Variants in SLC12A6 observed in about 807,000 individuals in gnomAD.
SLC12A6 encodes solute carrier family 12 member 6.
In SLC12A6, 66 loss-of-function variants were observed where a neutral mutation model predicts 135.3. The observed-to-expected ratio is 0.49, with a 90% CI of 0.40 to 0.60. The LOEUF is 0.60. Among genes scored for constraint, SLC12A6 ranks in the 20% least tolerant of loss-of-function variants. The pLI is 0.00. For synonymous variants in SLC12A6, 513 were observed against 508.8 expected, an observed-to-expected ratio of 1.01 and a Z score of -0.11; for missense variants, 1,058 against 1,452.3, an observed-to-expected ratio of 0.73 and a Z score of 4.41.
chr15:34,264,220 A>T (rs7181260), intron 3 of SLC12A6, among the ~76,000 whole-genome samples: 20,691 of 152,246 alleles, frequency 0.14, 1,535 homozygotes, highest in East Asian at 0.32. Context: ...AGGCTGAGGC[A>T]AAACTTTACA....
At position 34,238,933 on chromosome 15, in the gene SLC12A6, G is replaced by A. The variant is rs748983001; in HGVS notation, c.2632+32C>T. On this transcript the variant is annotated intron_variant, in intron 20 of 25. Coordinates refer to ENST00000354181, the MANE Select transcript of SLC12A6 (RefSeq NM_001365088.1). ...ATTTAACTATATACCCTCGACTTGG[G>A]CCTTTAGGTTTGTATGAGAAATGGT... The A allele has an allele frequency of 5.7e-6, 9 of 1,565,814 alleles. No homozygotes were observed. The East Asian group carries it at 1.8e-4, about 31-fold the overall frequency.
At chr15:34,313,280 C>T (rs763538718) in intron 2 of SLC12A6, among the ~76,000 whole-genome samples, 3 of 151,958 alleles carry the variant, frequency 2.0e-5, no homozygotes, top group Non-Finnish European at 4.4e-5. Flanking sequence ...TTCCAGTGAA[C>T]ACATAAATGT....
chr15:34,234,438 T>C (rs1297205345), intron 25 of SLC12A6, among the ~76,000 whole-genome samples: 1 of 152,152 alleles, frequency 6.6e-6, no homozygotes, highest in Non-Finnish European at 1.5e-5. Context: ...AATGGTGCGA[T>C]CTTGGCTCAC....
intron 7 of SLC12A6, 36 bp downstream of exon 7, chr15:34,256,193 C>T (rs376661713): frequency 1.0e-5 from 14 of 1,368,114 alleles, no homozygotes; most frequent in Non-Finnish European, 1.5e-5. Context: ...AGAGTCAACA[C>T]TGATAAATCC....
chr15:34,293,596 G>A (rs146391760), intron 2 of SLC12A6, among the ~76,000 whole-genome samples: 16 of 152,216 alleles, frequency 1.1e-4, no homozygotes, highest in East Asian at 5.8e-4. Context: ...GAGCCATCGC[G>A]CCTAGCCTAT....
intron 15 of SLC12A6, among the ~76,000 whole-genome samples, chr15:34,244,616 C>T (rs1425638614): frequency 2.0e-5 from 3 of 152,278 alleles, no homozygotes; most frequent in South Asian, 2.1e-4. Flanking sequence ...TCAACATGTA[C>T]CCTCCACTCT....
chr15:34,278,404 CAA>C (rs1020764804), intron 2 of SLC12A6, among the ~76,000 whole-genome samples: 1 of 150,638 alleles, frequency 6.6e-6, no homozygotes, highest in Non-Finnish European at 1.5e-5. Context: ...CCAGCCTGGG[CAA>C]AAAGAGTGAA....
chr15:34,252,240 A>G lies in SLC12A6; in HGVS notation c.1263T>C (p.Asp421=). The change falls in exon 10 of 26, where the codon GAT becomes GAC. Residue 421 remains aspartate, a synonymous_variant. Transcript: ENST00000354181. ...NSSQFFNATC[D]EYFVHNNVTS... is the part of the protein sequence containing the mutation. ...TGACGTTATTGTGAACAAAGTATTC[A>G]TCACAGGTGGCATTGAAAAATTGAC... 6.2e-7 allele frequency: 1 copy of G among 1,608,558 alleles called. No homozygotes were observed. Among genetic ancestry groups the G allele is most frequent in the Non-Finnish European group, 8.5e-7 (1 of 1,174,944 alleles).
intron 15 of SLC12A6, among the ~76,000 whole-genome samples, chr15:34,244,683 T>C (rs1891867280): frequency 6.6e-6 from 1 of 152,240 alleles, no homozygotes; most frequent in Admixed American, 6.5e-5. Context: ...CATCCCTCAA[T>C]TCCTTTATAT....
intron 3 of SLC12A6, among the ~76,000 whole-genome samples, chr15:34,269,330 A>G (rs1030478988): frequency 1.3e-5 from 2 of 152,062 alleles, no homozygotes; most frequent in Non-Finnish European, 2.9e-5. Flanking sequence ...GAAAAAAGGT[A>G]TACCAAAGGT....
intron 2 of SLC12A6, among the ~76,000 whole-genome samples, chr15:34,326,837 G>A (rs1889495585): frequency 2.2e-5 from 3 of 138,796 alleles, no homozygotes; most frequent in South Asian, 4.5e-4. Context: ...GACTACAGGT[G>A]CACACCACCA....
At chr15:34,236,683 T>A (rs368558133) in intron 23 of SLC12A6, 25 bp downstream of exon 23, 1 of 1,256,736 alleles carries the variant, frequency 8.0e-7, no homozygotes, top group Admixed American at 1.7e-5. Flanking sequence ...AGAGCACGGA[T>A]TGGATTGATG....
At chr15:34,236,998 C>A in intron 22 of SLC12A6, 183 bp from the exon 23 acceptor site, 1 of 625,108 alleles carries the variant, frequency 1.6e-6, no homozygotes, top group Non-Finnish European at 2.9e-6. Context: ...AGATAAAATT[C>A]AGAGGCCCTG....
chr15:34,295,506 T>C (rs1895820506), intron 2 of SLC12A6, among the ~76,000 whole-genome samples: 1 of 152,232 alleles, frequency 6.6e-6, no homozygotes, highest in African/African-American at 2.4e-5. Context: ...TTTAGGTAGC[T>C]GGGCATATTT....
Position 34,250,702 on chromosome 15 carries a change from C to G in SLC12A6, c.1520G>C (p.Gly507Ala). Residue 507 changes from glycine to alanine, a missense_variant, in exon 12 of 26, where the codon GGA (glycine) becomes GCA (alanine). Gly to Ala is a moderately conservative substitution (Grantham distance 60). Transcript: ENST00000354181. ...TGIMAGSNRS[G>A]DLKDAQKSIP... is the part of the protein sequence containing the mutation. Reference sequence around the variant, plus strand: ...AGACTTCTGAGCATCTTTCAGATCTCCAGATCTGTTTGATCCAGCCATGAT... The same window carrying G: ...AGACTTCTGAGCATCTTTCAGATCTGCAGATCTGTTTGATCCAGCCATGAT... The G allele has an allele frequency of 1.2e-6, 2 of 1,603,250 alleles. No homozygotes were observed. The highest frequency in any genetic ancestry group is 1.7e-6 in the Non-Finnish European group (2 of 1,170,088).
At chr15:34,242,255 A>C (rs1384477363) in intron 16 of SLC12A6, 34 bp from the exon 17 acceptor site, 4 of 1,527,236 alleles carry the variant, frequency 2.6e-6, no homozygotes, top group Admixed American at 1.7e-5. Context: ...TATCTTTTAA[A>C]GTAGCTGAAA....
At position 34,245,882 on chromosome 15, in the gene SLC12A6, G is replaced by A; in HGVS notation, c.1650-15C>T. ...CATCACCGAACCTGGGAAAGAAATA[G>A]GAGTGGGAAATTTAATCTGGAAATA... On this transcript the variant is annotated splice_polypyrimidine_tract_variant and intron_variant, in intron 13 of 25. Transcript: ENST00000354181. The A allele has an allele frequency of 6.2e-7, 1 of 1,603,320 alleles. No individual in the cohort carries two copies.
intron 6 of SLC12A6, 77 bp from the exon 7 acceptor site, chr15:34,256,360 A>G: frequency 9.9e-7 from 1 of 1,014,956 alleles, no homozygotes; most frequent in Non-Finnish European, 1.6e-6. Flanking sequence ...TTTGTGTTCC[A>G]AGAGCACTTG....
At chr15:34,252,951 A>G (rs2140740866) in intron 9 of SLC12A6, among the ~76,000 whole-genome samples, 1 of 152,356 alleles carries the variant, frequency 6.6e-6, no homozygotes, top group South Asian at 2.1e-4. Context: ...CAGCTTGGTC[A>G]GAATTAAAAG....
Sources: gnomAD v4.1 joint callset for allele counts (sites outside exome capture counted in the v4.1 genomes callset) on GRCh38, gnomAD v4.1.1 for gene constraint, MANE v1.5 for transcripts, NCBI Gene and HGNC (gene_info 2026-07-23, HGNC 2026-07-21) for gene names.